The following APBB2 variants were observed in gnomAD, a reference collection of about 807,000 sequenced individuals.
APBB2 encodes Fe65-like 1.
Under a neutral mutation model 82.5 loss-of-function variants are expected in APBB2, and 38 were observed. The observed-to-expected ratio is 0.46, with a 90% CI of 0.36 to 0.60. The LOEUF (loss-of-function observed/expected upper bound fraction) is 0.60, where lower values mean the gene tolerates loss of function less well. APBB2 is among the 20% of genes least tolerant of loss of function. The pLI is 0.00. For missense variants in APBB2, 772 were observed against 972.3 expected (o/e 0.79, Z 2.74); for synonymous variants, 341 against 368.2 (o/e 0.93, Z 0.85).
intron 1 of APBB2, among the ~76,000 whole-genome samples, chr4:41,152,004 C>T (rs867665925): frequency 1.3e-5 from 2 of 151,984 alleles, no homozygotes; most frequent in Non-Finnish European, 2.9e-5. Flanking sequence ...TCGTCATGAC[C>T]GTTATATCCT....
intron 10 of APBB2, among the ~76,000 whole-genome samples, chr4:40,893,810 C>T (rs1428765928): frequency 2.6e-5 from 4 of 151,862 alleles, no homozygotes; most frequent in African/African-American, 4.8e-5. Flanking sequence ...CCCGTCTCTA[C>T]TAAAAATACA....
At position 41,005,695 on chromosome 4, in the gene APBB2, A is replaced by G. The variant is rs3733393; in HGVS notation, c.835+7888T>C. The stretch of plus-strand genomic sequence containing the variant: ...TCCCCAGAAGCTAAACAACTTGCCA[A>G]ACTAAGAACTAAAATCTGTATTTTC... On this transcript the variant is annotated intron_variant, in intron 6 of 17. Transcript: ENST00000508593. Among the ~76,000 whole-genome samples, 233 of 152,310 alleles carry G rather than the reference A, an allele frequency of 1.5e-3. 10 individuals are homozygous for G. In the East Asian group the frequency reaches 0.042, roughly 27 times the overall value.
intron 3 of APBB2, among the ~76,000 whole-genome samples, chr4:41,090,378 T>C (rs1414006070): frequency 2.0e-5 from 3 of 152,198 alleles, no homozygotes; most frequent in African/African-American, 7.2e-5. Context: ...ATGGCAACCT[T>C]TAAGTGCCCT....
chr4:40,961,104 G>A (rs557140429), intron 6 of APBB2, among the ~76,000 whole-genome samples: 1 of 152,254 alleles, frequency 6.6e-6, no homozygotes, highest in African/African-American at 2.4e-5. Flanking sequence ...GTAGGGCAGA[G>A]CCATCATATT....
At chr4:41,126,254 C>T (rs987873234) in intron 2 of APBB2, among the ~76,000 whole-genome samples, 4 of 151,618 alleles carry the variant, frequency 2.6e-5, no homozygotes, top group African/African-American at 9.7e-5. Context: ...CATGGTGGTG[C>T]ATGCCTGTGG....
chr4:41,109,689 C>T (rs1313314345), intron 2 of APBB2, among the ~76,000 whole-genome samples: 1 of 152,192 alleles, frequency 6.6e-6, no homozygotes, highest in Non-Finnish European at 1.5e-5. Context: ...CCAGGATGGT[C>T]TTGATCTCCT....
At chr4:40,958,646 C>T (rs1297919665) in intron 6 of APBB2, among the ~76,000 whole-genome samples, 1 of 152,160 alleles carries the variant, frequency 6.6e-6, no homozygotes, top group Admixed American at 6.5e-5. Context: ...TGCTTTGTCA[C>T]CCAGGCTGGA....
At chr4:41,176,795 GTTAAC>G (rs1769916998) in intron 1 of APBB2, among the ~76,000 whole-genome samples, 1 of 152,070 alleles carries the variant, frequency 6.6e-6, no homozygotes, top group Non-Finnish European at 1.5e-5. Context: ...AGCATTTTGG[GTTAAC>G]AAAAACTAAA....
At chr4:41,073,416 A>G (rs1734563560) in intron 3 of APBB2, among the ~76,000 whole-genome samples, 2 of 152,176 alleles carry the variant, frequency 1.3e-5, no homozygotes, top group Non-Finnish European at 2.9e-5. Context: ...AATGTGATTT[A>G]GCAGTTTACA....
chr4:41,203,986 G>A (rs1472477594), intron 1 of APBB2, among the ~76,000 whole-genome samples: 1 of 151,712 alleles, frequency 6.6e-6, no homozygotes, highest in African/African-American at 2.4e-5. Context: ...AATTTTCAGT[G>A]AGCCTGCCCC....
At chr4:41,037,195 T>C (rs1719546633) in intron 4 of APBB2, among the ~76,000 whole-genome samples, 1 of 152,228 alleles carries the variant, frequency 6.6e-6, no homozygotes, top group African/African-American at 2.4e-5. Context: ...CTAAATTTTA[T>C]GAAATTTAAA....
In APBB2 at chr4:41,108,838, G is replaced by C. The variant is rs577025724; in HGVS notation, c.-260-8088C>G. On this transcript the variant is annotated intron_variant, in intron 2 of 17. Transcript: ENST00000508593. ...CCTTGTTTCTCCTATCTCTTTTCTTGGTCTATCCAGTCTCAAAACTGCAGC... is the reference window on the plus strand; with the variant it reads ...CCTTGTTTCTCCTATCTCTTTTCTTCGTCTATCCAGTCTCAAAACTGCAGC... 2.0e-5 allele frequency among the ~76,000 whole-genome samples: 3 copies of C among 152,038 alleles called. No individual in the cohort carries two copies. In the South Asian group the frequency reaches 6.2e-4, roughly 32 times the overall value.
At chr4:40,942,896 G>A (rs143708062) in intron 7 of APBB2, among the ~76,000 whole-genome samples, 9 of 152,330 alleles carry the variant, frequency 5.9e-5, no homozygotes, top group Admixed American at 2.6e-4. Flanking sequence ...AAAGGCTAAC[G>A]TGTTAATCAA....
chr4:41,019,944 C>G (rs1207555360), intron 5 of APBB2, among the ~76,000 whole-genome samples: 2 of 149,894 alleles, frequency 1.3e-5, no homozygotes, highest in African/African-American at 4.9e-5. Flanking sequence ...AAGAGACAGA[C>G]AAGGAGTCGA....
chr4:41,029,706 T>G (rs1715928443), intron 5 of APBB2, among the ~76,000 whole-genome samples: 1 of 152,188 alleles, frequency 6.6e-6, no homozygotes, highest in South Asian at 2.1e-4. Flanking sequence ...ATTTGTCGAT[T>G]ATAAAAAATA....
intron 3 of APBB2, among the ~76,000 whole-genome samples, chr4:41,078,612 T>G (rs1168036647): frequency 1.3e-5 from 2 of 152,174 alleles, no homozygotes; most frequent in South Asian, 4.1e-4. Flanking sequence ...CACCTCTAGT[T>G]TTAGTTAACA....
At chr4:41,040,874 ATTTTTTAT>A (rs1252007764) in intron 4 of APBB2, among the ~76,000 whole-genome samples, 1 of 151,974 alleles carries the variant, frequency 6.6e-6, no homozygotes, top group East Asian at 1.9e-4. Flanking sequence ...ACATCTGCAA[ATTTTTTAT>A]TTTTTTATTT....
rs1796289985 is a variant in APBB2, at chr4:40,972,830, T to C, written c.836-27757A>G. ...AGCTCAATGAAGGCAAAGGATAGAG[T>C]CAATTTTGCTCAGTACTTATCCCCA... is the stretch of plus-strand genomic sequence containing the variant. On this transcript the variant is annotated intron_variant, in intron 6 of 17. Coordinates refer to ENST00000508593, the MANE Select transcript of APBB2 (RefSeq NM_004307.2). Among the ~76,000 whole-genome samples, 2 of 152,152 alleles carry C rather than the reference T, an allele frequency of 1.3e-5. 1 individual carries two copies. The highest frequency in any genetic ancestry group is 4.1e-4 in the South Asian group (2 of 4,828).
At chr4:41,172,961 TTAC>T (rs1308104367) in intron 1 of APBB2, among the ~76,000 whole-genome samples, 1 of 152,226 alleles carries the variant, frequency 6.6e-6, no homozygotes, top group Non-Finnish European at 1.5e-5. Context: ...TACACTTTTT[TTAC>T]TCTGAAATAA....
Sources: allele counts gnomAD v4.1 joint callset (sites outside exome capture counted in the v4.1 genomes callset), GRCh38; gene constraint gnomAD v4.1.1; transcripts MANE v1.5; gene names NCBI Gene and HGNC (gene_info 2026-07-23, HGNC 2026-07-21).